PPFIBP1: variants seen among roughly 807,000 people sequenced by gnomAD.
PPFIBP1 encodes PPFIB scaffold protein 1.
Under a neutral mutation model 137.8 loss-of-function variants are expected in PPFIBP1, and 112 were observed. The observed-to-expected ratio is 0.81, with a 90% CI of 0.70 to 0.95. The LOEUF is 0.95. PPFIBP1 is among the 40% of genes least tolerant of loss of function. PPFIBP1 has a pLI of 0.00. For synonymous variants in PPFIBP1, 378 were observed against 417.3 expected (o/e 0.91, Z 1.15); for missense variants, 1,083 against 1,196.6 (o/e 0.91, Z 1.40).
At chr12:27,593,935 A>C in intron 2 of PPFIBP1, 1 of 1,487,096 alleles carries the variant, frequency 6.7e-7, no homozygotes, top group Middle Eastern at 1.8e-4. Context: ...TTGTGTCCTC[A>C]CAGGGGGTGT....
At chr12:27,651,405 G>A (rs2058867265) in intron 7 of PPFIBP1, among the ~76,000 whole-genome samples, 1 of 152,034 alleles carries the variant, frequency 6.6e-6, no homozygotes, top group Non-Finnish European at 1.5e-5. Flanking sequence ...ACCATGCCCA[G>A]CCATGTTTTA....
chr12:27,660,809 T>C, intron 10 of PPFIBP1, 75 bp from the exon 11 acceptor site: 1 of 1,547,310 alleles, frequency 6.5e-7, no homozygotes, highest in Non-Finnish European at 8.7e-7. Context: ...AATATTTCAG[T>C]CTGGAGAGTA....
At chr12:27,631,096 C>G (rs758152282) in intron 2 of PPFIBP1, among the ~76,000 whole-genome samples, 4 of 152,158 alleles carry the variant, frequency 2.6e-5, no homozygotes, top group Non-Finnish European at 5.9e-5. Context: ...CAACACTTGG[C>G]TATGTCAATT....
At position 27,586,952 on chromosome 12, in the gene PPFIBP1, G is replaced by C. The variant is rs534250539; in HGVS notation, c.-36+8713G>C. Among the ~76,000 whole-genome samples, 3 of 152,260 alleles carry C rather than the reference G, an allele frequency of 2.0e-5. No individual in the cohort carries two copies. In the East Asian group the frequency reaches 5.8e-4, roughly 29 times the overall value. On this transcript the variant is annotated intron_variant, in intron 2 of 29. Coordinates refer to ENST00000228425, the MANE Select transcript of PPFIBP1 (RefSeq NM_003622.4). ...TTGAAGGTAGAAATCAGATATTCAG[G>C]CTTTGAAACTTGCAAAAATTTCAAA...
At chr12:27,560,821 T>C (rs750559828) in intron 1 of PPFIBP1, among the ~76,000 whole-genome samples, 26 of 152,216 alleles carry the variant, frequency 1.7e-4, no homozygotes, top group Admixed American at 5.9e-4. Flanking sequence ...GCTGTTAGCT[T>C]TATTTCTCTG....
chr12:27,534,306 T>A (rs963578143), intron 1 of PPFIBP1, among the ~76,000 whole-genome samples: 1 of 151,788 alleles, frequency 6.6e-6, no homozygotes, highest in Admixed American at 6.6e-5. Context: ...AAAGATGTGA[T>A]CAGAAGGGAT....
intron 1 of PPFIBP1, among the ~76,000 whole-genome samples, chr12:27,527,149 A>C (rs181831315): frequency 5.3e-5 from 8 of 152,318 alleles, no homozygotes; most frequent in African/African-American, 1.4e-4. Context: ...TTATGTTGAT[A>C]ATTTGTTACA....
At position 27,667,165 on chromosome 12, in the gene PPFIBP1, G is replaced by A; in HGVS notation, c.992-1G>A. 1 of 1,559,294 alleles carries A rather than the reference G, an allele frequency of 6.4e-7. No homozygotes were observed. The highest frequency in any genetic ancestry group is 8.7e-7 in the Non-Finnish European group (1 of 1,153,918). On this transcript the variant is annotated splice_acceptor_variant, in intron 12 of 29. Transcript: ENST00000228425. LOFTEE classifies it high-confidence loss of function. ...CTTCTCTTTGTTTTATCTTTTCCTA[G>A]GCAAAGATGGAGAATATGAAGAGCT...
chr12:27,648,420 T>C lies in PPFIBP1; in HGVS notation c.471+578T>C, dbSNP rs150944088. Among the ~76,000 whole-genome samples, 105 of 152,316 alleles carry C rather than the reference T, an allele frequency of 6.9e-4. 2 individuals are homozygous for C. The highest frequency in any genetic ancestry group is 2.4e-4 in the African/African-American group (10 of 41,588). Reference sequence around the variant, plus strand: ...TGGTGGGAATGTAAATTCATACAACTGCTATGGAGAACAGTTTGGAGGTTC... The same window carrying C: ...TGGTGGGAATGTAAATTCATACAACCGCTATGGAGAACAGTTTGGAGGTTC... On this transcript the variant is annotated intron_variant, in intron 6 of 29. Transcript: ENST00000228425.
At chr12:27,635,917 G>A (rs1443621791) in intron 4 of PPFIBP1, 1 of 152,152 alleles carries the variant, frequency 6.6e-6, no homozygotes, top group Non-Finnish European at 1.5e-5. Context: ...ATTCAGTGGA[G>A]GACAGAGGAA....
intron 2 of PPFIBP1, among the ~76,000 whole-genome samples, chr12:27,592,078 A>G (rs1288144821): frequency 6.6e-6 from 1 of 152,226 alleles, no homozygotes; most frequent in Non-Finnish European, 1.5e-5. Context: ...ACTACTTAAA[A>G]TTTCCTGAGA....
Position 27,667,197 on chromosome 12 carries a change from T to C in PPFIBP1, c.1023T>C (p.Asn341=), listed in dbSNP as rs1304752546. The C allele has an allele frequency of 6.2e-7, 1 of 1,610,896 alleles. No homozygotes were observed. Among genetic ancestry groups the C allele is most frequent in the Non-Finnish European group, 8.5e-7 (1 of 1,178,720 alleles). ...ATGGAGAATATGAAGAGCTGCTCAA[T>C]TCCAGTTCCATCTCCTCTTTGCTGG... ...GKDGEYEELL[N]SSSISSLLDA... is the part of the protein sequence containing the mutation. The change falls in exon 13 of 30, where the codon AAT becomes AAC. Residue 341 remains asparagine (N), a synonymous_variant. Coordinates refer to ENST00000228425, the MANE Select transcript of PPFIBP1 (RefSeq NM_003622.4).
intron 2 of PPFIBP1, among the ~76,000 whole-genome samples, chr12:27,583,535 C>T (rs1345408922): frequency 1.3e-5 from 2 of 152,122 alleles, no homozygotes; most frequent in Admixed American, 6.5e-5. Context: ...TCTTCATGGT[C>T]TATATTGGTC....
chr12:27,575,693 T>C (rs981624166), intron 1 of PPFIBP1, among the ~76,000 whole-genome samples: 1 of 152,254 alleles, frequency 6.6e-6, no homozygotes, highest in Admixed American at 6.5e-5. Flanking sequence ...TTTGTATTTA[T>C]GCTTGTCATT....
intron 1 of PPFIBP1, among the ~76,000 whole-genome samples, chr12:27,540,019 AT>A (rs1945473534): frequency 6.6e-6 from 1 of 151,882 alleles, no homozygotes; most frequent in Non-Finnish European, 1.5e-5. Flanking sequence ...TGGGTGTTTC[AT>A]TATTTAATCC....
intron 1 of PPFIBP1, among the ~76,000 whole-genome samples, chr12:27,543,367 C>G (rs746500414): frequency 1.3e-5 from 2 of 151,924 alleles, no homozygotes; most frequent in African/African-American, 4.8e-5. Flanking sequence ...TTTTTTTATC[C>G]CTGCTACCAT....
At chr12:27,611,209 C>G (rs1395299434) in intron 2 of PPFIBP1, among the ~76,000 whole-genome samples, 1 of 152,164 alleles carries the variant, frequency 6.6e-6, no homozygotes, top group African/African-American at 2.4e-5. Flanking sequence ...AGATTGTTGC[C>G]TATATAGCGC....
At chr12:27,629,076 A>G (rs1255304731) in intron 2 of PPFIBP1, among the ~76,000 whole-genome samples, 1 of 152,224 alleles carries the variant, frequency 6.6e-6, no homozygotes, top group Non-Finnish European at 1.5e-5. Flanking sequence ...TGGACAGTTA[A>G]AAGTTGGGCT....
chr12:27,682,705 T>C lies in PPFIBP1; in HGVS notation c.2247+2T>C. ...CGAATGCTACATTACATGACTGTTG[T>C]AAGTGACTCACTCCTGGGGTTTGGG... On this transcript the variant is annotated splice_donor_variant, in intron 24 of 29. Transcript: ENST00000228425. LOFTEE classifies it high-confidence loss of function. 6.2e-7 allele frequency: 1 copy of C among 1,614,120 alleles called. No individual in the cohort carries two copies. The highest frequency in any genetic ancestry group is 2.2e-5 in the East Asian group (1 of 44,876).
Sources: gnomAD v4.1 joint callset for allele counts (sites outside exome capture counted in the v4.1 genomes callset) on GRCh38, gnomAD v4.1.1 for gene constraint, MANE v1.5 for transcripts, NCBI Gene and HGNC (gene_info 2026-07-23, HGNC 2026-07-21) for gene names.